Variants in RB1CC1 observed in about 807,000 individuals in gnomAD.
RB1CC1 encodes the protein RB1-inducible coiled-coil protein 1.
A neutral mutation model predicts 177.5 loss-of-function variants in RB1CC1; 46 were observed. The observed-to-expected ratio is 0.26, with a 90% CI of 0.20 to 0.33. RB1CC1 has a LOEUF of 0.33. RB1CC1 is among the 10% of genes least tolerant of loss of function. The pLI is 1.00. For synonymous variants in RB1CC1, 666 were observed against 613.6 expected, an observed-to-expected ratio of 1.09 and a Z score of -1.26; for missense variants, 1,703 against 1,816.3, an observed-to-expected ratio of 0.94 and a Z score of 1.13.
chr8:52,661,767 A>T (rs1260514106), intron 8 of RB1CC1, 48 bp from the exon 9 acceptor site: 1 of 1,369,970 alleles, frequency 7.3e-7, no homozygotes, highest in Non-Finnish European at 9.7e-7. Flanking sequence ...GTTTCATGAA[A>T]GGTATGGACA....
intron 7 of RB1CC1, among the ~76,000 whole-genome samples, chr8:52,672,959 A>T (rs917467477): frequency 1.3e-5 from 2 of 152,218 alleles, no homozygotes; most frequent in Non-Finnish European, 2.9e-5. Context: ...TGCTTAGCCT[A>T]CAGAATGTCA....
In RB1CC1 at chr8:52,624,579, C is replaced by G. The variant is rs555557775; in HGVS notation, c.4707+138G>C. ...AATACTTATAAATTGCCAGTTCAAA[C>G]TCACTCTCATTAAATTCAAGCTCTA... On this transcript the variant is annotated intron_variant, in intron 23 of 23. Transcript: ENST00000025008. 7.2e-6 allele frequency: 5 copies of G among 697,476 alleles called. No homozygotes were observed. In the East Asian group the frequency reaches 1.5e-4, roughly 21 times the overall value. The allele number at this position is 697,476 out of a possible 1,614,324, so 43.2% of individuals were successfully genotyped here.
chr8:52,679,259 G>A (rs1853467863), intron 5 of RB1CC1, among the ~76,000 whole-genome samples: 1 of 152,154 alleles, frequency 6.6e-6, no homozygotes, highest in Admixed American at 6.5e-5. Flanking sequence ...TTGCCACAGG[G>A]AAATTTCTTG....
At chr8:52,661,334 G>C (rs1038309299) in intron 9 of RB1CC1, 53 bp from the exon 10 acceptor site, 25 of 1,587,732 alleles carry the variant, frequency 1.6e-5, no homozygotes, top group Non-Finnish European at 2.1e-5. Flanking sequence ...TACTAACTTA[G>C]TTACTTACTT....
rs1848158443 is a variant in RB1CC1, at chr8:52,623,091, AG to A, written c.*690del. 1 of 152,832 alleles carries A rather than the reference AG, an allele frequency of 6.5e-6. No homozygotes were observed. Among genetic ancestry groups the A allele is most frequent in the African/African-American group, 2.4e-5 (1 of 41,422 alleles). The allele number at this position is 152,832 out of a possible 1,614,324, so 9.5% of individuals were successfully genotyped here. A position where few individuals can be genotyped will look rare whatever the true frequency, so the allele number is the denominator to read the frequency against. ...GTTTGAGTCTGCATTTGAAATGGTT[AG>A]TAGCACAGACTCTTCCCTTTAGAAC... is the stretch of plus-strand genomic sequence containing the variant. On this transcript the variant is annotated 3_prime_UTR_variant, in exon 24 of 24. Coordinates refer to ENST00000025008, the MANE Select transcript of RB1CC1 (RefSeq NM_014781.5).
chr8:52,643,599 G>A (rs1849758885), intron 16 of RB1CC1, among the ~76,000 whole-genome samples: 1 of 150,656 alleles, frequency 6.6e-6, no homozygotes, highest in Admixed American at 6.7e-5. Context: ...TAAGGAGGGA[G>A]GACTGCTTGA....
chr8:52,684,088 A>G (rs1854022764), intron 3 of RB1CC1, 75 bp from the exon 4 acceptor site: 2 of 1,478,166 alleles, frequency 1.4e-6, no homozygotes, highest in Non-Finnish European at 1.8e-6. Flanking sequence ...AGTACTATGT[A>G]AAAACACCTT....
intron 7 of RB1CC1, among the ~76,000 whole-genome samples, chr8:52,669,281 C>T (rs1198593139): frequency 6.6e-6 from 1 of 151,992 alleles, no homozygotes; most frequent in Non-Finnish European, 1.5e-5. Context: ...TCTTTCAAGC[C>T]TCTCATCTTT....
At position 52,660,580 on chromosome 8, in the gene RB1CC1, G is replaced by A; in HGVS notation, c.1689+16C>T. On this transcript the variant is annotated intron_variant, in intron 12 of 23. Transcript: ENST00000025008. ...AACATATGGAATTTAGTCATGGTTAGAAAATAAATACATACACAAAAGGAA... is the reference window on the plus strand; with the variant it reads ...AACATATGGAATTTAGTCATGGTTAAAAAATAAATACATACACAAAAGGAA... The A allele has an allele frequency of 6.4e-7, 1 of 1,569,850 alleles. No homozygotes were observed. Among genetic ancestry groups the A allele is most frequent in the South Asian group, 1.2e-5 (1 of 82,926 alleles).
At chr8:52,689,602 G>C (rs1854625208) in intron 1 of RB1CC1, among the ~76,000 whole-genome samples, 1 of 152,116 alleles carries the variant, frequency 6.6e-6, no homozygotes, top group Non-Finnish European at 1.5e-5. Context: ...TAACACCTAA[G>C]ACAGCAAATA....
chr8:52,684,092 A>T, intron 3 of RB1CC1, 79 bp from the exon 4 acceptor site: 2 of 1,466,252 alleles, frequency 1.4e-6, no homozygotes, highest in Non-Finnish European at 1.8e-6. Flanking sequence ...CTATGTAAAA[A>T]CACCTTAGAG....
chr8:52,645,678 T>C (rs745569544), intron 16 of RB1CC1, 24 bp downstream of exon 16: 2 of 1,597,176 alleles, frequency 1.3e-6, no homozygotes, highest in Admixed American at 3.6e-5. Context: ...AGTTCTCAAA[T>C]GAAATGGGAA....
intron 15 of RB1CC1, among the ~76,000 whole-genome samples, chr8:52,651,388 G>A (rs1850568629): frequency 2.0e-5 from 3 of 152,208 alleles, no homozygotes; most frequent in Admixed American, 2.0e-4. Context: ...TTGCTAAAAT[G>A]GTACAGTTGG....
At chr8:52,675,723 A>C (rs1305617825) in intron 6 of RB1CC1, among the ~76,000 whole-genome samples, 4 of 149,104 alleles carry the variant, frequency 2.7e-5, no homozygotes, top group Admixed American at 6.7e-5. Context: ...CCAAAAAAAA[A>C]AAAAAAAAAA....
chr8:52,656,570 C>G lies in RB1CC1; in HGVS notation c.3259G>C (p.Glu1087Gln), dbSNP rs1851101630. 6.2e-7 allele frequency: 1 copy of G among 1,611,784 alleles called. No individual in the cohort carries two copies. Among genetic ancestry groups the G allele is most frequent in the Non-Finnish European group, 8.5e-7 (1 of 1,179,274 alleles). The change falls in exon 15 of 24, where the codon GAG becomes CAG. Residue 1087 changes from glutamate to glutamine, a missense_variant. Physicochemically the swap from Glu to Gln is conservative, Grantham distance 29. This residue lies in a region of RB1CC1 where 1,169 missense variants were observed against 1,184.7 expected (regional missense o/e 0.99). Coordinates refer to ENST00000025008, the MANE Select transcript of RB1CC1 (RefSeq NM_014781.5). ...TGTTCAAGAAGAGATTTCAAGGTCT[C>G]CTTCTGCTGGGCTCTGCTTTCTTCC... The part of the protein sequence containing the change: ...LLEESRAQQK[E>Q]TLKSLLEQET...
At chr8:52,694,770 T>C (rs1437460386) in intron 1 of RB1CC1, among the ~76,000 whole-genome samples, 1 of 152,144 alleles carries the variant, frequency 6.6e-6, no homozygotes, top group Admixed American at 6.5e-5. Flanking sequence ...AATTTCCCAG[T>C]TTTCTTTCTA....
intron 1 of RB1CC1, among the ~76,000 whole-genome samples, chr8:52,699,858 T>TACACAC (rs1554557208): frequency 8.8e-5 from 9 of 102,778 alleles, no homozygotes; most frequent in African/African-American, 3.7e-4. Flanking sequence ...TATATATATA[T>TACACAC]ACACACAAAA....
At chr8:52,633,050 G>C (rs546865583) in intron 20 of RB1CC1, among the ~76,000 whole-genome samples, 61 of 152,190 alleles carry the variant, frequency 4.0e-4, no homozygotes, top group African/African-American at 1.4e-3. Context: ...ATCTACCTAT[G>C]ACCTGGAAGC....
intron 18 of RB1CC1, among the ~76,000 whole-genome samples, chr8:52,636,738 T>C (rs1346886356): frequency 3.3e-5 from 5 of 152,212 alleles, no homozygotes; most frequent in African/African-American, 1.2e-4. Flanking sequence ...CTTAAGTCTA[T>C]GATCTATTTA....
Sources: gnomAD v4.1 joint callset for allele counts (sites outside exome capture counted in the v4.1 genomes callset) on GRCh38, gnomAD v4.1.1 for gene constraint, gnomAD v4.1.1 regional missense constraint, MANE v1.5 for transcripts, NCBI Gene and HGNC (gene_info 2026-07-23, HGNC 2026-07-21) for gene names.